The following NFIC variants were observed in gnomAD, a reference collection of about 807,000 sequenced individuals.
NFIC encodes the protein nuclear factor 1 C-type.
NFIC carries 12 observed loss-of-function variants against 54.4 expected under a neutral mutation model. The observed-to-expected ratio is 0.22, with a 90% CI of 0.14 to 0.36. NFIC has a LOEUF of 0.36. Among genes scored for constraint, NFIC ranks in the 10% least tolerant of loss-of-function variants. NFIC has a pLI of 1.00. For synonymous variants in NFIC, 322 were observed against 319.2 expected, an observed-to-expected ratio of 1.01 and a Z score of -0.09; for missense variants, 575 against 718.2, an observed-to-expected ratio of 0.80 and a Z score of 2.28.
In NFIC at chr19:3,467,159, C is replaced by G. The variant is rs1048730276; in HGVS notation, c.*4390C>G. 8 of 149,442 alleles carry G rather than the reference C, an allele frequency of 5.4e-5. No individual in the cohort carries two copies. Among genetic ancestry groups the G allele is most frequent in the East Asian group, 3.9e-4 (2 of 5,084 alleles). The allele number at this position is 149,442 out of a possible 1,614,324, so 9.3% of individuals were successfully genotyped here. Reference sequence around the variant, plus strand: ...ATCTTCTCAAATCTTGTTCCACCCCCCTCTGGAAGCCCCCATCACCCACCC... The same window carrying G: ...ATCTTCTCAAATCTTGTTCCACCCCGCTCTGGAAGCCCCCATCACCCACCC... On this transcript the variant is annotated 3_prime_UTR_variant, in exon 11 of 11. Coordinates refer to ENST00000443272, the MANE Select transcript of NFIC (RefSeq NM_001245002.2).
At chr19:3,438,207 G>C (rs1483388108) in intron 6 of NFIC, among the ~76,000 whole-genome samples, 5 of 152,106 alleles carry the variant, frequency 3.3e-5, no homozygotes, top group African/African-American at 1.2e-4. Flanking sequence ...TTAAGCTCTG[G>C]AGCTCAGTCT....
intron 2 of NFIC, among the ~76,000 whole-genome samples, chr19:3,393,569 CT>C (rs1361556075): frequency 1.3e-5 from 2 of 151,610 alleles, no homozygotes; most frequent in African/African-American, 4.8e-5. Flanking sequence ...AATCCCAGCA[CT>C]TTGGGAGACC....
At chr19:3,412,097 T>C (rs2081772888) in intron 2 of NFIC, among the ~76,000 whole-genome samples, 1 of 152,226 alleles carries the variant, frequency 6.6e-6, no homozygotes, top group Non-Finnish European at 1.5e-5. Context: ...GTTTTTGTTT[T>C]CTTAAGACAG....
chr19:3,403,610 C>G (rs1472603319), intron 2 of NFIC, among the ~76,000 whole-genome samples: 2 of 152,210 alleles, frequency 1.3e-5, no homozygotes, highest in Admixed American at 1.3e-4. Context: ...GCAGGGCTTG[C>G]CTGAAGCCAC....
chr19:3,366,710 C>A (rs767025850), intron 1 of NFIC, 44 bp downstream of exon 1: 3 of 1,310,660 alleles, frequency 2.3e-6, no homozygotes, highest in Non-Finnish European at 3.0e-6. Context: ...CCGCGCCCCC[C>A]GCATCCCAGC....
In NFIC at chr19:3,382,004, A is replaced by G; in HGVS notation, c.323A>G (p.Asn108Ser). The G allele has an allele frequency of 1.2e-6, 2 of 1,613,488 alleles. No individual in the cohort carries two copies. The highest frequency in any genetic ancestry group is 2.2e-5 in the East Asian group (1 of 44,872). Residue 108 changes from asparagine to serine, a missense_variant, in exon 2 of 11, where the codon AAC becomes AGC. This residue lies in a region of NFIC where 122 missense variants were observed against 158.0 expected (regional missense o/e 0.77). Coordinates refer to ENST00000443272, the MANE Select transcript of NFIC (RefSeq NM_001245002.2). Reference protein sequence around the residue: ...GKKAPGCVLSNPDQKGKMRRI... With the variant: ...GKKAPGCVLSSPDQKGKMRRI... ...AAGGCGCCGGGCTGCGTGCTCTCCA[A>G]CCCCGACCAGAAGGGCAAGATGCGG...
chr19:3,404,137 T>TCC (rs1281013341), intron 2 of NFIC, among the ~76,000 whole-genome samples: 11 of 150,676 alleles, frequency 7.3e-5, no homozygotes, highest in South Asian at 2.1e-4. Context: ...CCTGCCCTTC[T>TCC]CCCCCCCCCG....
chr19:3,369,140 GTCTCTGTC>G lies in NFIC; in HGVS notation c.30+2487_30+2494del, dbSNP rs907931416. 1.4e-4 allele frequency among the ~76,000 whole-genome samples: 21 copies of G among 150,744 alleles called. No individual in the cohort carries two copies. In the East Asian group the frequency reaches 2.0e-3, roughly 14 times the overall value. On this transcript the variant is annotated intron_variant, in intron 1 of 10. Coordinates refer to ENST00000443272, the MANE Select transcript of NFIC (RefSeq NM_001245002.2). This position sits in a 1 kb window ranked among gnomAD's most constrained non-coding sequence, Gnocchi z 4.3. ...TTGTCTCTGCATGTCTCTTTGATGT[GTCTCTGTC>G]TCTCTGTCTCTCCCTCCCTTTGCCT...
chr19:3,359,757 T>C, intron 1 of NFIC: 1 of 1,353,200 alleles, frequency 7.4e-7, no homozygotes. Flanking sequence ...CGGGCGAAAG[T>C]TGCAAGATCT....
chr19:3,441,495 C>T (rs1348053511), intron 6 of NFIC, among the ~76,000 whole-genome samples: 2 of 152,268 alleles, frequency 1.3e-5, no homozygotes, highest in Admixed American at 6.5e-5. Flanking sequence ...CTTCCTGGGC[C>T]TCTCCCCATC....
intron 2 of NFIC, among the ~76,000 whole-genome samples, chr19:3,413,858 A>C (rs2081806175): frequency 6.6e-6 from 1 of 151,836 alleles, no homozygotes; most frequent in African/African-American, 2.4e-5. Flanking sequence ...GCTGGTCTCA[A>C]ACTCCAGGCC....
At chr19:3,395,161 C>T (rs1166493141) in intron 2 of NFIC, among the ~76,000 whole-genome samples, 1 of 152,082 alleles carries the variant, frequency 6.6e-6, no homozygotes, top group Non-Finnish European at 1.5e-5. Context: ...GAGTTCGAGA[C>T]CAGCCTGGCC....
chr19:3,393,972 TCG>T (rs1460781480), intron 2 of NFIC, among the ~76,000 whole-genome samples: 8 of 151,506 alleles, frequency 5.3e-5, no homozygotes, highest in Non-Finnish European at 1.2e-4. Flanking sequence ...AGACAGAGTC[TCG>T]CTCTGTCGCC....
chr19:3,367,587 T>TC (rs942312656), intron 1 of NFIC, among the ~76,000 whole-genome samples: 2 of 151,626 alleles, frequency 1.3e-5, no homozygotes, highest in Admixed American at 6.6e-5. Context: ...AGGGGGCGGC[T>TC]CCCCCCGGGG....
In NFIC at chr19:3,453,727, C is replaced by T; in HGVS notation, c.1270-36C>T. ...CCAGCAGCCCGAGGTAGAGGGGGAG[C>T]CCACCCCTTAACCACGTGTCTCTCT... On this transcript the variant is annotated intron_variant, in intron 8 of 10. Transcript: ENST00000443272. This position sits in a 1 kb window ranked among gnomAD's most constrained non-coding sequence, Gnocchi z 6.7. 1 of 1,577,362 alleles carries T rather than the reference C, an allele frequency of 6.3e-7. No individual in the cohort carries two copies. Among genetic ancestry groups the T allele is most frequent in the Non-Finnish European group, 8.6e-7 (1 of 1,165,608 alleles).
chr19:3,415,110 G>T (rs1393143088), intron 2 of NFIC, among the ~76,000 whole-genome samples: 1 of 151,928 alleles, frequency 6.6e-6, no homozygotes, highest in Non-Finnish European at 1.5e-5. Context: ...AAAGTGCTAG[G>T]ATTACAGGTG....
intron 2 of NFIC, among the ~76,000 whole-genome samples, chr19:3,395,492 ATT>A (rs530190180): frequency 5.4e-5 from 7 of 130,832 alleles, no homozygotes; most frequent in East Asian, 2.3e-4. Flanking sequence ...ACCATGGTTG[ATT>A]TTTTTTTTTT....
chr19:3,445,224 C>T (rs945436952), intron 6 of NFIC, among the ~76,000 whole-genome samples: 63 of 152,330 alleles, frequency 4.1e-4, no homozygotes, highest in African/African-American at 1.3e-3. Context: ...CGTGCACAGG[C>T]ATACACATGC....
chr19:3,416,640 T>C (rs1192242728), intron 2 of NFIC, among the ~76,000 whole-genome samples: 4 of 150,912 alleles, frequency 2.7e-5, no homozygotes, highest in African/African-American at 9.7e-5. Context: ...TTTTCCTGCG[T>C]CAGCCTCCTG....
Sources: allele counts gnomAD v4.1 joint callset (sites outside exome capture counted in the v4.1 genomes callset), GRCh38; gene constraint gnomAD v4.1.1; regional missense constraint gnomAD v4.1.1; non-coding constraint Gnocchi (gnomAD v3.1); transcripts MANE v1.5; gene names NCBI Gene and HGNC (gene_info 2026-07-23, HGNC 2026-07-21).